The following PRDM2 variants were observed in gnomAD, a reference collection of about 807,000 sequenced individuals.
PRDM2 encodes the protein PR domain zinc finger protein 2.
A neutral mutation model predicts 130.0 loss-of-function variants in PRDM2; 30 were observed. The ratio of observed to expected loss-of-function variants is 0.23; its 90% confidence interval spans 0.17 to 0.31. PRDM2 has a LOEUF of 0.31. PRDM2 is among the 10% of genes least tolerant of loss of function. PRDM2 has a pLI of 1.00. For missense variants in PRDM2, 2,011 were observed against 2,108.4 expected (o/e 0.95, Z 0.90); for synonymous variants, 871 against 782.4 (o/e 1.11, Z -1.89).
intron 7 of PRDM2, chr1:13,773,527 CA>C (rs1644402921): frequency 6.1e-6 from 1 of 163,172 alleles, no homozygotes; most frequent in South Asian, 2.0e-4. Context: ...GCCCGGGCAA[CA>C]TAGTGAGACC....
chr1:13,787,103 TG>T (rs1472327307), intron 8 of PRDM2: 2 of 985,402 alleles, frequency 2.0e-6, no homozygotes, highest in African/African-American at 3.5e-5. Flanking sequence ...GCCAGCGTAA[TG>T]GAGAGGAAAC....
intron 2 of PRDM2, among the ~76,000 whole-genome samples, chr1:13,724,598 G>A (rs1307722799): frequency 4.0e-5 from 6 of 150,472 alleles, no homozygotes; most frequent in African/African-American, 9.8e-5. Flanking sequence ...AGGTTCAAGC[G>A]ATTCTCCTGC....
chr1:13,764,327 A>G (rs1644174311), intron 6 of PRDM2, among the ~76,000 whole-genome samples: 1 of 152,192 alleles, frequency 6.6e-6, no homozygotes, highest in South Asian at 2.1e-4. Flanking sequence ...GATTTTAGGT[A>G]CATTTTTCAG....
intron 6 of PRDM2, among the ~76,000 whole-genome samples, chr1:13,761,133 A>G (rs1189448716): frequency 6.6e-6 from 1 of 152,234 alleles, no homozygotes; most frequent in Non-Finnish European, 1.5e-5. Flanking sequence ...AACTCTTGGA[A>G]TTTGATTTGT....
chr1:13,775,010 C>G (rs1464065267), intron 7 of PRDM2, among the ~76,000 whole-genome samples: 1 of 152,162 alleles, frequency 6.6e-6, no homozygotes, highest in African/African-American at 2.4e-5. Context: ...TCTTCACCCC[C>G]CAGTATTTGG....
At position 13,780,466 on chromosome 1, in the gene PRDM2, G is replaced by T; in HGVS notation, c.2671G>T (p.Val891Phe). Residue 891 changes from valine to phenylalanine, a missense_variant, in exon 8 of 10, where the codon GTT becomes TTT. Val to Phe is a conservative substitution (Grantham distance 50). Transcript: ENST00000311066. ...ACCAACCACCTGCATGCTGCAGAAG[G>T]TTCTTCTCAATGAATATAATGGCAT... ...RKPTTCMLQK[V>F]LLNEYNGIDL... is the part of the protein sequence containing the mutation. 1 of 1,614,208 alleles carries T rather than the reference G, an allele frequency of 6.2e-7. No homozygotes were observed. The highest frequency in any genetic ancestry group is 8.5e-7 in the Non-Finnish European group (1 of 1,180,044).
intron 6 of PRDM2, among the ~76,000 whole-genome samples, chr1:13,750,446 T>C (rs868803091): frequency 6.6e-6 from 1 of 152,094 alleles, no homozygotes; most frequent in Non-Finnish European, 1.5e-5. Flanking sequence ...TTTTTAGTCA[T>C]CTGAACGAAC....
intron 5 of PRDM2, among the ~76,000 whole-genome samples, chr1:13,745,723 TTTTG>T (rs1040385876): frequency 3.3e-5 from 5 of 152,194 alleles, no homozygotes; most frequent in African/African-American, 7.2e-5. Flanking sequence ...GTGCCCAGCC[TTTTG>T]TTTGTTTTTT....
chr1:13,807,555 G>T (rs943594103), intron 8 of PRDM2, among the ~76,000 whole-genome samples: 4 of 152,198 alleles, frequency 2.6e-5, no homozygotes, highest in South Asian at 2.1e-4. Flanking sequence ...GAGGCTCACT[G>T]GGAATGAGAC....
At chr1:13,815,100 T>G (rs1645235875) in intron 8 of PRDM2, among the ~76,000 whole-genome samples, 1 of 152,132 alleles carries the variant, frequency 6.6e-6, no homozygotes, top group Non-Finnish European at 1.5e-5. Flanking sequence ...AGTGGATGTT[T>G]GTTTGTTTGT....
At chr1:13,753,463 C>T (rs530775258) in intron 6 of PRDM2, among the ~76,000 whole-genome samples, 4 of 152,186 alleles carry the variant, frequency 2.6e-5, no homozygotes, top group South Asian at 4.1e-4. Context: ...TCTGTCTCTA[C>T]GATCAGAATT....
At chr1:13,758,963 C>T (rs1644031125) in intron 6 of PRDM2, among the ~76,000 whole-genome samples, 1 of 152,156 alleles carries the variant, frequency 6.6e-6, no homozygotes, top group South Asian at 2.1e-4. Context: ...AATATAACAT[C>T]TAAAATACTG....
At position 13,715,498 on chromosome 1, in the gene PRDM2, T is replaced by C. The variant is rs1054543589; in HGVS notation, c.-65-43T>C. On this transcript the variant is annotated intron_variant, in intron 1 of 9. Transcript: ENST00000311066. Reference sequence around the variant, plus strand: ...TATGTGGTTTTAAATCCCTGTAAATTTGTAGGCAGGTACATATTACAATTG... The same window carrying C: ...TATGTGGTTTTAAATCCCTGTAAATCTGTAGGCAGGTACATATTACAATTG... 4 of 938,856 alleles carry C rather than the reference T, an allele frequency of 4.3e-6. No homozygotes were observed. In the African/African-American group the frequency reaches 6.8e-5, roughly 16 times the overall value. The allele number at this position is 938,856 out of a possible 1,614,324, so 58.2% of individuals were successfully genotyped here. A position where few individuals can be genotyped will look rare whatever the true frequency, so the allele number is the denominator to read the frequency against.
chr1:13,707,254 T>C (rs1642236968), intron 1 of PRDM2, among the ~76,000 whole-genome samples: 1 of 152,200 alleles, frequency 6.6e-6, no homozygotes, highest in Non-Finnish European at 1.5e-5. Context: ...CCAGGACCAC[T>C]ACCCTGCCCG....
chr1:13,787,641 T>C (rs1185075087), intron 8 of PRDM2: 1 of 965,060 alleles, frequency 1.0e-6, no homozygotes, highest in African/African-American at 1.8e-5. Flanking sequence ...AATTTAAAAA[T>C]AAAATATTTA....
chr1:13,749,492 G>A lies in PRDM2; in HGVS notation c.511+5G>A, dbSNP rs1227618295. On this transcript the variant is annotated splice_donor_5th_base_variant and intron_variant, in intron 6 of 9. Coordinates refer to ENST00000311066, the MANE Select transcript of PRDM2 (RefSeq NM_001393986.1). ...GCTCCCCCAAGAGCCGGAAAGGTAG[G>A]AGCCCCCCGGCCCGCCCGCCCGGCC... The A allele has an allele frequency of 6.4e-6, 9 of 1,404,032 alleles. No individual in the cohort carries two copies. The highest frequency in any genetic ancestry group is 7.6e-6 in the Non-Finnish European group (8 of 1,058,386). 87.0% of individuals were successfully genotyped at this position (1,404,032 alleles called of 1,614,324 possible). A position where few individuals can be genotyped will look rare whatever the true frequency, so the allele number is the denominator to read the frequency against.
chr1:13,702,001 A>G (rs1324033535), intron 1 of PRDM2, among the ~76,000 whole-genome samples: 1 of 152,226 alleles, frequency 6.6e-6, no homozygotes, highest in East Asian at 1.9e-4. Context: ...AGTACAAAAC[A>G]TAACAAAAGA....
chr1:13,758,851 A>G lies in PRDM2; in HGVS notation c.511+9364A>G, dbSNP rs112878307. ...AAAGTACATACCATTTTTTATTTTTAATAGACTATTTGAATAGTTTCAGAG... is the reference window on the plus strand; with the variant it reads ...AAAGTACATACCATTTTTTATTTTTGATAGACTATTTGAATAGTTTCAGAG... On this transcript the variant is annotated intron_variant, in intron 6 of 9. Transcript: ENST00000311066. 4.6e-3 allele frequency among the ~76,000 whole-genome samples: 699 copies of G among 152,288 alleles called. 8 individuals are homozygous for G. Among genetic ancestry groups the G allele is most frequent in the African/African-American group, 0.016 (666 of 41,556 alleles).
At chr1:13,739,879 G>T (rs968299572) in intron 4 of PRDM2, among the ~76,000 whole-genome samples, 16 of 152,088 alleles carry the variant, frequency 1.1e-4, no homozygotes, top group African/African-American at 3.9e-4. Context: ...CTATCTTTAA[G>T]AAATTTTTTT....
Sources: allele counts gnomAD v4.1 joint callset (sites outside exome capture counted in the v4.1 genomes callset), GRCh38; gene constraint gnomAD v4.1.1; transcripts MANE v1.5; gene names NCBI Gene and HGNC (gene_info 2026-07-23, HGNC 2026-07-21).